Variants in SZT2 observed in about 807,000 individuals in gnomAD.
SZT2 encodes the protein SZT2 subunit of KICSTOR complex.
SZT2 carries 216 observed loss-of-function variants against 404.2 expected under a neutral mutation model. The ratio of observed to expected loss-of-function variants is 0.53; its 90% CI spans 0.48 to 0.60. The LOEUF is 0.60. Ranked by LOEUF, SZT2 falls within the 20% of genes least tolerant of loss-of-function variation. SZT2 has a pLI of 0.00. For missense variants in SZT2, 3,857 were observed against 4,459.2 expected (o/e 0.86, Z 3.85); for synonymous variants, 1,693 against 1,749.9 (o/e 0.97, Z 0.81).
In SZT2 at chr1:43,439,108, ATCTC is replaced by A. The variant is rs1367298410; in HGVS notation, c.6792+20_6792+23del. On this transcript the variant is annotated intron_variant, in intron 48 of 71. Transcript: ENST00000634258. The surrounding 1 kb of genome is among the most constrained non-coding windows in gnomAD (Gnocchi z 4.2). ...ACCACTTCCAAGTGAGATGGCACTCATCTCTCTCCACACTCATGTGCACCCCTGC... is the reference window on the plus strand; with the variant it reads ...ACCACTTCCAAGTGAGATGGCACTCATCTCCACACTCATGTGCACCCCTGC... 8.7e-6 allele frequency: 14 copies of A among 1,613,762 alleles called. No individual in the cohort carries two copies. Among genetic ancestry groups the A allele is most frequent in the Non-Finnish European group, 1.2e-5 (14 of 1,179,950 alleles).
chr1:43,442,042 A>C lies in SZT2; in HGVS notation c.7785A>C (p.Gln2595His). Residue 2595 changes from glutamine (Q) to histidine (H), a missense_variant, in exon 56 of 72, where the codon CAA (glutamine) becomes CAC (histidine). Around this residue, in one of 7 missense-constraint regions of SZT2, gnomAD observed 573 missense variants for 592.4 expected, o/e 0.97. Transcript: ENST00000634258. The surrounding 1 kb of genome is among the most constrained non-coding windows in gnomAD (Gnocchi z 4.5). ...PEIFGPCSPG[Q>H]LGPSPRPAAE... ...TCTTCGGCCCTTGTTCCCCTGGGCA[A>C]CTGGGCCCCTCTCCCCGCCCTGCAG... The C allele has an allele frequency of 6.2e-7, 1 of 1,614,068 alleles. No homozygotes were observed. The highest frequency in any genetic ancestry group is 1.1e-5 in the South Asian group (1 of 91,064).
intron 1 of SZT2, among the ~76,000 whole-genome samples, chr1:43,396,562 A>C (rs2153927919): frequency 6.6e-6 from 1 of 152,366 alleles, no homozygotes; most frequent in Non-Finnish European, 1.5e-5. Context: ...CTTCTGACTC[A>C]AAGAAGAGAG....
At position 43,442,187 on chromosome 1, in the gene SZT2, T is replaced by C; in HGVS notation, c.7873+57T>C. ...GGTAGGCTAAGAGTAACTGGTGGGG[T>C]CTCCAACCTTGCAGAGGGGAGGGTG... is the stretch of plus-strand genomic sequence containing the variant. On this transcript the variant is annotated intron_variant, in intron 56 of 71. Transcript: ENST00000634258. This position sits in a 1 kb window ranked among gnomAD's most constrained non-coding sequence, Gnocchi z 4.5. 2 of 1,595,348 alleles carry C rather than the reference T, an allele frequency of 1.3e-6. No homozygotes were observed. Among genetic ancestry groups the C allele is most frequent in the Non-Finnish European group, 1.7e-6 (2 of 1,168,956 alleles).
chr1:43,420,654 G>A lies in SZT2; in HGVS notation c.1262-95G>A. Reference sequence around the variant, plus strand: ...ATGCTTGGAACCTTTGGCAGGACTGGGTTCCATGAGGTAGGTGGGGGTTTC... The same window carrying A: ...ATGCTTGGAACCTTTGGCAGGACTGAGTTCCATGAGGTAGGTGGGGGTTTC... On this transcript the variant is annotated intron_variant, in intron 9 of 71. Coordinates refer to ENST00000634258, the MANE Select transcript of SZT2 (RefSeq NM_001365999.1). This position sits in a 1 kb window ranked among gnomAD's most constrained non-coding sequence, Gnocchi z 5.1. The A allele has an allele frequency of 8.1e-7, 1 of 1,230,704 alleles. No homozygotes were observed. The highest frequency in any genetic ancestry group is 1.4e-5 in the South Asian group (1 of 72,060). The allele number at this position is 1,230,704 out of a possible 1,614,324, so 76.2% of individuals were successfully genotyped here.
Position 43,452,974 on chromosome 1 carries a change from C to T in SZT2, c.*2494C>T. ...CCACAGCACCCTTGCAAGGAACACT[C>T]AACTTCCTGCCCATCAAGCAATGCC... is the stretch of plus-strand genomic sequence containing the variant. On this transcript the variant is annotated 3_prime_UTR_variant, in exon 72 of 72. Transcript: ENST00000634258. 6.2e-7 allele frequency: 1 copy of T among 1,607,762 alleles called. No homozygotes were observed. Among genetic ancestry groups the T allele is most frequent in the Non-Finnish European group, 8.5e-7 (1 of 1,177,006 alleles).
Position 43,431,352 on chromosome 1 carries a change from G to A in SZT2, c.5004G>A (p.Leu1668=). ...CAGATGATGGCCTCGGGCCCCCACT[G>A]CCACCCCCAGAAGAGGAGAGGTACT... The part of the protein sequence containing the change: ...LRSDDGLGPP[L]PPPEEERHPG... The change falls in exon 34 of 72, where the codon CTG becomes CTA. Residue 1668 remains leucine, a synonymous_variant. Coordinates refer to ENST00000634258, the MANE Select transcript of SZT2 (RefSeq NM_001365999.1). 2 of 1,612,128 alleles carry A rather than the reference G, an allele frequency of 1.2e-6. No homozygotes were observed. Among genetic ancestry groups the A allele is most frequent in the Non-Finnish European group, 1.7e-6 (2 of 1,178,500 alleles).
At position 43,446,397 on chromosome 1, in the gene SZT2, G is replaced by A. The variant is rs1655677117; in HGVS notation, c.9053G>A (p.Gly3018Glu). Residue 3018 changes from glycine to glutamate, a missense_variant, in exon 65 of 72, where the codon GGG (glycine) becomes GAG (glutamate). Gly to Glu is a moderately conservative substitution (Grantham distance 98). This residue lies in a region of SZT2 where 717 missense variants were observed against 868.2 expected (regional missense o/e 0.83). Coordinates refer to ENST00000634258, the MANE Select transcript of SZT2 (RefSeq NM_001365999.1). ...FALECSRIPMGQAVNSQLSML... is the reference protein window; with the variant it reads ...FALECSRIPMEQAVNSQLSML... Reference sequence around the variant, plus strand: ...CTGGAATGTTCCCGAATCCCAATGGGGCAGGCTGTCAACTCACAGGTATGT... The same window carrying A: ...CTGGAATGTTCCCGAATCCCAATGGAGCAGGCTGTCAACTCACAGGTATGT... The A allele has an allele frequency of 1.2e-6, 2 of 1,614,252 alleles. No individual in the cohort carries two copies. The highest frequency in any genetic ancestry group is 2.7e-5 in the African/African-American group (2 of 75,054).
chr1:43,435,179 ACCT>A lies in SZT2; in HGVS notation c.5905-19_5905-17del. 1.2e-6 allele frequency: 2 copies of A among 1,613,192 alleles called. No individual in the cohort carries two copies. Among genetic ancestry groups the A allele is most frequent in the East Asian group, 4.5e-5 (2 of 44,860 alleles). ...TAGGAGGAGGTATTTCAGTTCCCTGACCTCATGCTCCTTCTCCCAGCGACTGCT... is the reference window on the plus strand; with the variant it reads ...TAGGAGGAGGTATTTCAGTTCCCTGACATGCTCCTTCTCCCAGCGACTGCT... On this transcript the variant is annotated intron_variant, in intron 41 of 71. Transcript: ENST00000634258.
At position 43,453,402 on chromosome 1, in the gene SZT2, C is replaced by A. The variant is rs137998671; in HGVS notation, c.*2922C>A. 1.8e-4 allele frequency: 273 copies of A among 1,555,746 alleles called. No individual in the cohort carries two copies. In the African/African-American group the frequency reaches 3.2e-3, roughly 18 times the overall value. ...GCGGGGTACCTGGGACAGCCCAGGG[C>A]TTTGGCATACCGCACGGCCTGCTCC... On this transcript the variant is annotated 3_prime_UTR_variant, in exon 72 of 72. Coordinates refer to ENST00000634258, the MANE Select transcript of SZT2 (RefSeq NM_001365999.1).
In SZT2 at chr1:43,437,728, C is replaced by T; in HGVS notation, c.6396+28C>T. On this transcript the variant is annotated intron_variant, in intron 45 of 71. Coordinates refer to ENST00000634258, the MANE Select transcript of SZT2 (RefSeq NM_001365999.1). The surrounding 1 kb of genome is among the most constrained non-coding windows in gnomAD (Gnocchi z 5.3). ...ATGTATCACTCCCACTCTCTGATGC[C>T]CCTGTGTTCCTCTTGCACTTTGCTC... is the stretch of plus-strand genomic sequence containing the variant. 3.1e-6 allele frequency: 5 copies of T among 1,614,050 alleles called. No homozygotes were observed. Among genetic ancestry groups the T allele is most frequent in the Non-Finnish European group, 4.2e-6 (5 of 1,179,948 alleles).
Position 43,424,217 on chromosome 1 carries a change from G to A in SZT2, c.2256G>A (p.Arg752=). Residue 752 remains arginine (R), a splice_region_variant and synonymous_variant, in exon 16 of 72, where the codon AGG becomes AGA. Transcript: ENST00000634258. This position sits in a 1 kb window ranked among gnomAD's most constrained non-coding sequence, Gnocchi z 4.1. ...LHKPLDKLLI[R]YEKLPLDYRA... is the part of the protein sequence containing the mutation. ...GCTGGGGAGTTGTCCCATTTCCTAG[G>A]TATGAGAAGCTGCCCTTGGACTACC... is the stretch of plus-strand genomic sequence containing the variant. 1 of 1,597,048 alleles carries A rather than the reference G, an allele frequency of 6.3e-7. No individual in the cohort carries two copies. The highest frequency in any genetic ancestry group is 8.5e-7 in the Non-Finnish European group (1 of 1,179,126).
chr1:43,435,926 G>C (rs916089942), intron 42 of SZT2: 1 of 152,174 alleles, frequency 6.6e-6, no homozygotes, highest in South Asian at 2.1e-4. Flanking sequence ...GAGAACAAGC[G>C]GGCCAGTTCC....
rs766748664 is a variant in SZT2 at position 43,448,278 on chromosome 1, G to C, written c.9763G>C (p.Val3255Leu). The C allele has an allele frequency of 5.1e-6, 8 of 1,567,446 alleles. No homozygotes were observed. In the South Asian group the frequency reaches 9.3e-5, roughly 18 times the overall value. ...APLFPPLAAE[V>L]GMARARLAQL... ...TCTGTTCCCACCACTGGCTGCAGAG[G>C]TGGGCATGGCACGAGCACGGCTGGC... Residue 3255 changes from valine to leucine, a missense_variant, in exon 69 of 72, where the codon GTG becomes CTG. This residue lies in a region of SZT2 where 717 missense variants were observed against 868.2 expected (regional missense o/e 0.83). Coordinates refer to ENST00000634258, the MANE Select transcript of SZT2 (RefSeq NM_001365999.1). The surrounding 1 kb of genome is among the most constrained non-coding windows in gnomAD (Gnocchi z 4.2).
rs1472676021 is a variant in SZT2 at position 43,452,598 on chromosome 1, G to C, written c.*2118G>C. On this transcript the variant is annotated 3_prime_UTR_variant, in exon 72 of 72. Transcript: ENST00000634258. ...GGTCCTTCTCCGCAACCTGTAACCT[G>C]CTAAATTCTCACCTTTAAAAATTGT... 6.7e-6 allele frequency: 4 copies of C among 598,456 alleles called. No homozygotes were observed. The highest frequency in any genetic ancestry group is 1.2e-5 in the Non-Finnish European group (4 of 334,838). The allele number at this position is 598,456 out of a possible 1,614,324, so 37.1% of individuals were successfully genotyped here.
At position 43,435,313 on chromosome 1, in the gene SZT2, A is replaced by T. The variant is rs2153934664; in HGVS notation, c.6018A>T (p.Ala2006=). The T allele has an allele frequency of 6.2e-7, 1 of 1,614,096 alleles. No individual in the cohort carries two copies. The highest frequency in any genetic ancestry group is 8.5e-7 in the Non-Finnish European group (1 of 1,179,976). ...SETPFHSRQR[A]PLPSDDYAAD... ...CTCCCTTCCACTCCCGTCAGCGGGC[A>T]CCACTGCCCAGTGATGGTGAGATCC... is the stretch of plus-strand genomic sequence containing the variant. Residue 2006 remains alanine (A), a synonymous_variant, in exon 42 of 72, where the codon GCA becomes GCT. Transcript: ENST00000634258.
intron 1 of SZT2, among the ~76,000 whole-genome samples, chr1:43,400,128 A>G (rs1483474791): frequency 1.3e-5 from 2 of 150,240 alleles, no homozygotes; most frequent in Non-Finnish European, 3.0e-5. Flanking sequence ...TTTTTTAGAG[A>G]TGGACTTTCA....
intron 29 of SZT2, 67 bp from the exon 30 acceptor site, chr1:43,429,944 A>G: frequency 1.2e-6 from 2 of 1,612,192 alleles, no homozygotes; most frequent in South Asian, 2.2e-5. Context: ...GTCCTGCTCT[A>G]GGGTAGGGAG....
At chr1:43,390,133 G>A (rs1467854403) in intron 1 of SZT2, 138 bp downstream of exon 1, 2 of 1,041,700 alleles carry the variant, frequency 1.9e-6, no homozygotes, top group Non-Finnish European at 2.6e-6. Flanking sequence ...CAGCCCGGAA[G>A]GCCCGACTAT....
At chr1:43,400,688 AT>A (rs1328322607) in intron 1 of SZT2, among the ~76,000 whole-genome samples, 1 of 152,188 alleles carries the variant, frequency 6.6e-6, no homozygotes, top group African/African-American at 2.4e-5. Context: ...CCTGGCCAAC[AT>A]GATGAAACCC....
Sources: allele counts gnomAD v4.1 joint callset (sites outside exome capture counted in the v4.1 genomes callset), GRCh38; gene constraint gnomAD v4.1.1; regional missense constraint gnomAD v4.1.1; non-coding constraint Gnocchi (gnomAD v3.1); transcripts MANE v1.5; gene names NCBI Gene and HGNC (gene_info 2026-07-23, HGNC 2026-07-21).